Variants in CCDC190 observed in about 807,000 individuals in gnomAD.
CCDC190 encodes the protein coiled-coil domain containing 190.
In CCDC190, 10 loss-of-function variants were observed where a neutral mutation model predicts 13.1. The ratio of observed to expected loss-of-function variants is 0.77; its 90% CI spans 0.47 to 1.30. The LOEUF (loss-of-function observed/expected upper bound fraction) is 1.30, where lower values mean the gene tolerates loss of function less well. CCDC190 is among the 50% of genes most tolerant of loss of function. CCDC190 has a pLI of 0.00. For synonymous variants in CCDC190, 136 were observed against 127.2 expected (o/e 1.07, Z -0.47); for missense variants, 375 against 354.3 (o/e 1.06, Z -0.47).
chr1:162,855,568 A>G lies in CCDC190; in HGVS notation c.311+64T>C. 3.1e-6 allele frequency: 5 copies of G among 1,589,968 alleles called. No homozygotes were observed. The South Asian group carries it at 5.8e-5, about 18-fold the overall frequency. ...GAGCATTTCTTCAGGAAAACAGTTT[A>G]AAGAGGTCATTTGGGAAGAGAGACT... On this transcript the variant is annotated intron_variant, in intron 3 of 3. Coordinates refer to ENST00000367912, the MANE Select transcript of CCDC190 (RefSeq NM_001394065.1).
chr1:162,859,714 C>A, intron 1 of CCDC190, 56 bp from the exon 2 acceptor site: 2 of 1,423,684 alleles, frequency 1.4e-6, no homozygotes, highest in Non-Finnish European at 1.9e-6. Context: ...GGGATACTGA[C>A]CCCGGCTTTT....
intron 2 of CCDC190, chr1:162,855,968 A>T: frequency 4.8e-6 from 2 of 418,692 alleles, no homozygotes. Context: ...ACACAGACAC[A>T]CACAGGGAGA....
At chr1:162,863,187 G>A (rs1483596264), upstream of CCDC190, among the ~76,000 whole-genome samples, 1 of 152,126 alleles carries the variant, frequency 6.6e-6, no homozygotes, top group African/African-American at 2.4e-5. Flanking sequence ...CATCCGTGTA[G>A]TTTTCTATAA....
In CCDC190 at chr1:162,854,904, T is replaced by G. The variant is rs367988830; in HGVS notation, c.767A>C (p.His256Pro). ...LELLSKARNA[H>P]YLRHRVPPES... Reference sequence around the variant, plus strand: ...AGGGGGGACCCTGTGCCGGAGATAATGGGCATTTCTGGCCTTTGAAAGCAA... The same window carrying G: ...AGGGGGGACCCTGTGCCGGAGATAAGGGGCATTTCTGGCCTTTGAAAGCAA... Residue 256 changes from histidine (H) to proline (P), a missense_variant, in exon 4 of 4, where the codon CAT becomes CCT. Physicochemically the swap from His to Pro is moderately conservative, Grantham distance 77. Coordinates refer to ENST00000367912, the MANE Select transcript of CCDC190 (RefSeq NM_001394065.1). The G allele has an allele frequency of 1.2e-6, 2 of 1,614,042 alleles. No homozygotes were observed.
intron 2 of CCDC190, among the ~76,000 whole-genome samples, chr1:162,857,904 C>T (rs992667936): frequency 6.6e-6 from 1 of 152,054 alleles, no homozygotes; most frequent in African/African-American, 2.4e-5. Context: ...TACAGCTGTC[C>T]CAGAATAATC....
At position 162,854,119 on chromosome 1, in the gene CCDC190, A is replaced by T. The variant is rs1382920107; in HGVS notation, c.*646T>A. Reference sequence around the variant, plus strand: ...GACAGCATGTTGGGAGATGATTAAAAGTTTTTTAAATCCTTTGATTCTAGA... The same window carrying T: ...GACAGCATGTTGGGAGATGATTAAATGTTTTTTAAATCCTTTGATTCTAGA... On this transcript the variant is annotated 3_prime_UTR_variant, in exon 4 of 4. Coordinates refer to ENST00000367912, the MANE Select transcript of CCDC190 (RefSeq NM_001394065.1). 1 of 656,870 alleles carries T rather than the reference A, an allele frequency of 1.5e-6. No homozygotes were observed. Among genetic ancestry groups the T allele is most frequent in the Non-Finnish European group, 1.9e-6 (1 of 530,316 alleles). The allele number at this position is 656,870 out of a possible 1,614,324, so 40.7% of individuals were successfully genotyped here.
chr1:162,864,014 C>CCA (rs1553191194), upstream of CCDC190, among the ~76,000 whole-genome samples: 1 of 140,678 alleles, frequency 7.1e-6, no homozygotes, highest in Non-Finnish European at 1.5e-5. Flanking sequence ...GACTCCATCT[C>CCA]AAAAAAAAAA....
chr1:162,864,737 T>A (rs911390636), upstream of CCDC190, among the ~76,000 whole-genome samples: 6 of 151,844 alleles, frequency 4.0e-5, no homozygotes, highest in Non-Finnish European at 7.4e-5. Context: ...ACTAAAATAA[T>A]ATAACAAAGA....
chr1:162,865,862 T>G (rs1159122673), upstream of CCDC190, among the ~76,000 whole-genome samples: 1 of 152,118 alleles, frequency 6.6e-6, no homozygotes, highest in Non-Finnish European at 1.5e-5. Flanking sequence ...CTCTTACCAC[T>G]TCTACTATTG....
chr1:162,853,210 T>C lies in CCDC190; in HGVS notation c.*1555A>G. ...TTTGATCTAAGTTTTTGTCTTCAGATAGGTGGTAGTGTGGTGTAATGAAAG... is the reference window on the plus strand; with the variant it reads ...TTTGATCTAAGTTTTTGTCTTCAGACAGGTGGTAGTGTGGTGTAATGAAAG... On this transcript the variant is annotated 3_prime_UTR_variant, in exon 4 of 4. Transcript: ENST00000367912. 1 of 1,463,902 alleles carries C rather than the reference T, an allele frequency of 6.8e-7. No individual in the cohort carries two copies. Among genetic ancestry groups the C allele is most frequent in the South Asian group, 1.3e-5 (1 of 76,970 alleles). 90.7% of individuals were successfully genotyped at this position (1,463,902 alleles called of 1,614,324 possible).
Position 162,853,133 on chromosome 1 carries a change from T to C in CCDC190, c.*1632A>G, listed in dbSNP as rs1571036597. The stretch of plus-strand genomic sequence containing the variant: ...TTGTGTTCCTTTCACTATAAAGTAT[T>C]GTCTCCCCATTGAAGGCCAGAGGCT... On this transcript the variant is annotated 3_prime_UTR_variant, in exon 4 of 4. Transcript: ENST00000367912. 6.5e-7 allele frequency: 1 copy of C among 1,550,032 alleles called. No individual in the cohort carries two copies. The highest frequency in any genetic ancestry group is 2.4e-5 in the East Asian group (1 of 40,912).
rs754810736 is a variant in CCDC190, at chr1:162,854,364, C to T, written c.*401G>A. 6.1e-5 allele frequency: 61 copies of T among 1,001,474 alleles called. 1 individual carries two copies. The highest frequency in any genetic ancestry group is 6.8e-5 in the Non-Finnish European group (57 of 839,208). 62.0% of individuals were successfully genotyped at this position (1,001,474 alleles called of 1,614,324 possible). On this transcript the variant is annotated 3_prime_UTR_variant, in exon 4 of 4. Transcript: ENST00000367912. Reference sequence around the variant, plus strand: ...CCTATTTACAATCACATTCCTATTCCTACCACTACTATATATCAAACTAAA... The same window carrying T: ...CCTATTTACAATCACATTCCTATTCTTACCACTACTATATATCAAACTAAA...
At chr1:162,860,390 T>TCCCTCCATGTA (rs1650464581) in intron 1 of CCDC190, among the ~76,000 whole-genome samples, 1 of 152,172 alleles carries the variant, frequency 6.6e-6, no homozygotes, top group African/African-American at 2.4e-5. Context: ...GATGCTCTCC[T>TCCCTCCATGTA]CCCTCCATGT....
intron 1 of CCDC190, among the ~76,000 whole-genome samples, chr1:162,866,574 T>C (rs1028119148): frequency 1.3e-5 from 2 of 152,324 alleles, no homozygotes; most frequent in South Asian, 4.1e-4. Context: ...ACTTTTTTTT[T>C]CTGGCAAATA....
Position 162,854,838 on chromosome 1 carries a change from T to A in CCDC190, c.833A>T (p.His278Leu). 6.2e-7 allele frequency: 1 copy of A among 1,614,012 alleles called. No homozygotes were observed. The highest frequency in any genetic ancestry group is 8.5e-7 in the Non-Finnish European group (1 of 1,179,874). The change falls in exon 4 of 4, where the codon CAT becomes CTT. Residue 278 changes from histidine (H) to leucine (L), a missense_variant. Coordinates refer to ENST00000367912, the MANE Select transcript of CCDC190 (RefSeq NM_001394065.1). ...RLLSIGEIFG[H>L]GESSSSRAGK... ...TGCCCTGGATGATGAGGATTCCCCA[T>A]GCCCAAATATCTCTCCAATGCTAAG...
Position 162,859,623 on chromosome 1 carries a change from TC to T in CCDC190, c.23del (p.Gly8AspfsTer28). On this transcript the variant is annotated frameshift_variant, in exon 2 of 4. Coordinates refer to ENST00000367912, the MANE Select transcript of CCDC190 (RefSeq NM_001394065.1). LOFTEE classifies it high-confidence loss of function. ...CCAAATCAAAATGCTTATACAATTG[TC>T]CCCTGACCATGTGCCTCTCCATCTT... is the stretch of plus-strand genomic sequence containing the variant. MERHMVRGQLYKHFDLER... is the reference protein window; with the variant it reads MERHMVRXQLYKHFDLER... 2 of 1,613,618 alleles carry T rather than the reference TC, an allele frequency of 1.2e-6. No homozygotes were observed. The highest frequency in any genetic ancestry group is 1.7e-4 in the Middle Eastern group (1 of 6,058).
upstream of CCDC190, among the ~76,000 whole-genome samples, chr1:162,865,527 AAC>A (rs1372741621): frequency 7.2e-6 from 1 of 139,714 alleles, no homozygotes; most frequent in African/African-American, 3.4e-5. Context: ...AAATTAAAAT[AAC>A]AGTGTATTCT....
At position 162,855,072 on chromosome 1, in the gene CCDC190, C is replaced by A. The variant is rs184192552; in HGVS notation, c.599G>T (p.Ser200Ile). Reference sequence around the variant, plus strand: ...GGTCTCATCAGCACATGCCATTCCACTATCACTAGCTGGGCTGGAACTAGG... The same window carrying A: ...GGTCTCATCAGCACATGCCATTCCAATATCACTAGCTGGGCTGGAACTAGG... ...QGPSSSPASD[S>I]GMACADETRS... The change falls in exon 4 of 4, where the codon AGT becomes ATT. Residue 200 changes from serine to isoleucine, a missense_variant. Physicochemically the swap from Ser to Ile is moderately radical, Grantham distance 142 (BLOSUM62 -2). Coordinates refer to ENST00000367912, the MANE Select transcript of CCDC190 (RefSeq NM_001394065.1). The A allele has an allele frequency of 2.1e-3, 3,469 of 1,614,044 alleles. 11 individuals carry two copies. Among genetic ancestry groups the A allele is most frequent in the Non-Finnish European group, 2.3e-3 (2,690 of 1,179,894 alleles).
At position 162,853,108 on chromosome 1, in the gene CCDC190, T is replaced by C. The variant is rs928888023; in HGVS notation, c.*1657A>G. On this transcript the variant is annotated 3_prime_UTR_variant, in exon 4 of 4. Transcript: ENST00000367912. ...GAAAGTGTTGGAGGAAGCAGATTTC[T>C]TGTGTTCCTTTCACTATAAAGTATT... 23 of 1,550,158 alleles carry C rather than the reference T, an allele frequency of 1.5e-5. No homozygotes were observed. In the African/African-American group the frequency reaches 2.9e-4, roughly 19 times the overall value.
Sources: gnomAD v4.1 joint callset for allele counts (sites outside exome capture counted in the v4.1 genomes callset) on GRCh38, gnomAD v4.1.1 for gene constraint, MANE v1.5 for transcripts, NCBI Gene and HGNC (gene_info 2026-07-23, HGNC 2026-07-21) for gene names.